The following MED13L variants were observed in gnomAD, a reference collection of about 807,000 sequenced individuals.
MED13L encodes the protein mediator of RNA polymerase II transcription subunit 13-like.
A neutral mutation model predicts 220.9 loss-of-function variants in MED13L; 7 were observed. The observed-to-expected ratio is 0.03, with a 90% CI of 0.02 to 0.06. The LOEUF is 0.06. MED13L is among the 10% of genes least tolerant of loss of function. The probability of loss-of-function intolerance (pLI) is 1.00; values close to 1 mark genes in which losing one functional copy is unlikely to be tolerated. For missense variants in MED13L, 1,965 were observed against 2,760.5 expected, an observed-to-expected ratio of 0.71 and a Z score of 6.46; for synonymous variants, 1,011 against 1,015.2, an observed-to-expected ratio of 1.00 and a Z score of 0.08.
At chr12:116,164,385 CCAA>C (rs1879100685) in intron 2 of MED13L, among the ~76,000 whole-genome samples, 2 of 152,048 alleles carry the variant, frequency 1.3e-5, no homozygotes, top group African/African-American at 2.4e-5. Context: ...AAGAAAAAAA[CCAA>C]CAACAAAAAA....
At chr12:116,256,722 T>C (rs538395953) in intron 1 of MED13L, among the ~76,000 whole-genome samples, 8 of 138,328 alleles carry the variant, frequency 5.8e-5, no homozygotes, top group Middle Eastern at 8.1e-3. Context: ...AATCTTGCTC[T>C]GTTGCCAGGC....
chr12:116,189,419 C>T (rs1881125136), intron 2 of MED13L, among the ~76,000 whole-genome samples: 2 of 151,964 alleles, frequency 1.3e-5, no homozygotes, highest in Admixed American at 6.6e-5. Context: ...GTCAGACATG[C>T]GGTCTGCAAA....
At chr12:116,044,524 A>T (rs1011653976) in intron 4 of MED13L, among the ~76,000 whole-genome samples, 21 of 152,332 alleles carry the variant, frequency 1.4e-4, no homozygotes, top group African/African-American at 5.1e-4. Context: ...ATAGGTGGAA[A>T]TCCTAACTCC....
chr12:116,220,314 C>T (rs1449931191), intron 2 of MED13L, among the ~76,000 whole-genome samples: 3 of 152,150 alleles, frequency 2.0e-5, no homozygotes, highest in Non-Finnish European at 4.4e-5. Context: ...GCCTCCTACT[C>T]GAGATTTCCA....
intron 2 of MED13L, among the ~76,000 whole-genome samples, chr12:116,213,756 A>T (rs2138362372): frequency 6.6e-6 from 1 of 152,240 alleles, no homozygotes; most frequent in South Asian, 2.1e-4. Context: ...CATTATCCCA[A>T]ATTCCTATCT....
At chr12:116,083,622 CAG>C (rs1871388890) in intron 4 of MED13L, among the ~76,000 whole-genome samples, 1 of 152,222 alleles carries the variant, frequency 6.6e-6, no homozygotes, top group African/African-American at 2.4e-5. Flanking sequence ...TTGGCAAATT[CAG>C]ATCCATCAGG....
chr12:116,165,597 T>C (rs1003179962), intron 2 of MED13L, among the ~76,000 whole-genome samples: 1 of 152,090 alleles, frequency 6.6e-6, no homozygotes, highest in Non-Finnish European at 1.5e-5. Context: ...CCCAAAGTGC[T>C]AGGAGTACAG....
At chr12:116,101,990 A>C (rs1437519757) in intron 3 of MED13L, among the ~76,000 whole-genome samples, 1 of 152,224 alleles carries the variant, frequency 6.6e-6, no homozygotes, top group Non-Finnish European at 1.5e-5. Context: ...AAGTAGTACA[A>C]TATTATCTGG....
chr12:116,078,857 G>A (rs941087788), intron 4 of MED13L, among the ~76,000 whole-genome samples: 3 of 152,012 alleles, frequency 2.0e-5, no homozygotes, highest in Non-Finnish European at 4.4e-5. Flanking sequence ...AAAAGAAAAA[G>A]AATTTAAAAA....
chr12:116,119,159 A>G (rs1874787255), intron 2 of MED13L, among the ~76,000 whole-genome samples: 2 of 152,172 alleles, frequency 1.3e-5, no homozygotes, highest in African/African-American at 4.8e-5. Context: ...AACGGAAACT[A>G]AAAATACTGA....
At chr12:116,188,647 A>G (rs897449131) in intron 2 of MED13L, among the ~76,000 whole-genome samples, 6 of 152,176 alleles carry the variant, frequency 3.9e-5, no homozygotes, top group African/African-American at 1.4e-4. Context: ...CACAACCAGC[A>G]TATTGACACT....
At chr12:116,092,593 GT>G (rs1174411701) in intron 4 of MED13L, among the ~76,000 whole-genome samples, 1 of 152,076 alleles carries the variant, frequency 6.6e-6, no homozygotes, top group Non-Finnish European at 1.5e-5. Flanking sequence ...ATAATGTATT[GT>G]TACACAAAAT....
At chr12:116,202,837 C>T (rs1882089711) in intron 2 of MED13L, among the ~76,000 whole-genome samples, 1 of 152,266 alleles carries the variant, frequency 6.6e-6, no homozygotes, top group South Asian at 2.1e-4. Flanking sequence ...AAAACTGCTT[C>T]TCACAAAAGG....
intron 4 of MED13L, among the ~76,000 whole-genome samples, chr12:116,030,281 T>G (rs1372161150): frequency 4.1e-5 from 6 of 146,980 alleles, no homozygotes; most frequent in East Asian, 1.9e-4. Context: ...AAATCAACAG[T>G]TTTTTTTTTA....
At chr12:116,220,172 A>T (rs949993340) in intron 2 of MED13L, among the ~76,000 whole-genome samples, 6 of 152,192 alleles carry the variant, frequency 3.9e-5, no homozygotes, top group Non-Finnish European at 8.8e-5. Context: ...AGACTAGCTT[A>T]AGCTGTTAAT....
intron 2 of MED13L, among the ~76,000 whole-genome samples, chr12:116,153,797 G>A (rs1216545365): frequency 2.0e-5 from 3 of 152,120 alleles, no homozygotes; most frequent in African/African-American, 7.2e-5. Context: ...CTGGTTTAAT[G>A]CTCCCTTTGT....
At chr12:116,191,970 TA>T (rs1195037248) in intron 2 of MED13L, among the ~76,000 whole-genome samples, 1 of 152,186 alleles carries the variant, frequency 6.6e-6, no homozygotes, top group Non-Finnish European at 1.5e-5. Context: ...TTATTCTACC[TA>T]AAATGGTATT....
In MED13L at chr12:115,970,596, T is replaced by C; in HGVS notation, c.6065A>G (p.Asn2022Ser). The stretch of plus-strand genomic sequence containing the variant: ...ATCCATACAGGTCTTCTACTCACCA[T>C]TGTTGGGGCTAAACCCATCTTCATT... ...YPNEDGFSPN[N>S]DDMFVDLPFP... The change falls in exon 27 of 31, where the codon AAT becomes AGT. Residue 2022 changes from asparagine (N) to serine (S), a missense_variant and splice_region_variant. Asn to Ser is a conservative substitution (Grantham distance 46, BLOSUM62 1). This residue lies in a region of MED13L where 145 missense variants were observed against 328.3 expected (regional missense o/e 0.44). Coordinates refer to ENST00000281928, the MANE Select transcript of MED13L (RefSeq NM_015335.5). 1.2e-6 allele frequency: 2 copies of C among 1,613,704 alleles called. No homozygotes were observed. The highest frequency in any genetic ancestry group is 1.7e-6 in the Non-Finnish European group (2 of 1,179,688).
At chr12:116,071,209 G>A (rs866136572) in intron 4 of MED13L, among the ~76,000 whole-genome samples, 74 of 151,692 alleles carry the variant, frequency 4.9e-4, no homozygotes, top group African/African-American at 1.7e-3. Context: ...GTTCAATATC[G>A]GCTTTACATT....
Sources: allele counts gnomAD v4.1 joint callset (sites outside exome capture counted in the v4.1 genomes callset), GRCh38; gene constraint gnomAD v4.1.1; regional missense constraint gnomAD v4.1.1; transcripts MANE v1.5; gene names NCBI Gene and HGNC (gene_info 2026-07-23, HGNC 2026-07-21).